The following ABCC11 variants were observed in gnomAD, a reference collection of about 807,000 sequenced individuals.
ABCC11 encodes ATP-binding cassette sub-family C member 11.
In ABCC11, 135 loss-of-function variants were observed where a neutral mutation model predicts 149.3. The observed-to-expected ratio is 0.90, with a 90% CI of 0.79 to 1.04. ABCC11 has a LOEUF of 1.04. Ranked by LOEUF, ABCC11 falls within the 50% of genes least tolerant of loss-of-function variation. The probability of loss-of-function intolerance (pLI) is 0.00; values close to 1 mark genes in which losing one functional copy is unlikely to be tolerated. For synonymous variants in ABCC11, 665 were observed against 671.4 expected, an observed-to-expected ratio of 0.99 and a Z score of 0.15; for missense variants, 1,680 against 1,722.1, an observed-to-expected ratio of 0.98 and a Z score of 0.43.
intron 10 of ABCC11, 79 bp downstream of exon 10, chr16:48,213,364 T>G: frequency 7.6e-7 from 1 of 1,316,520 alleles, no homozygotes. Context: ...AGGGGACGTG[T>G]TCTGGAGGAA....
At chr16:48,242,235 G>A (rs1273970249) in intron 1 of ABCC11, among the ~76,000 whole-genome samples, 1 of 152,164 alleles carries the variant, frequency 6.6e-6, no homozygotes, top group Non-Finnish European at 1.5e-5. Context: ...AGTGGGCAAA[G>A]GATATGAACA....
chr16:48,226,935 T>C (rs1970110885), intron 4 of ABCC11, among the ~76,000 whole-genome samples: 1 of 152,196 alleles, frequency 6.6e-6, no homozygotes, highest in African/African-American at 2.4e-5. Context: ...ACCTGGTATC[T>C]CTCATGAAGC....
In ABCC11 at chr16:48,187,091, C is replaced by T. The variant is rs778440563; in HGVS notation, c.2934-1G>A. The T allele has an allele frequency of 3.1e-6, 5 of 1,614,164 alleles. No homozygotes were observed. The Admixed American group carries it at 6.7e-5, about 22-fold the overall frequency. On this transcript the variant is annotated splice_acceptor_variant, in intron 21 of 29. Transcript: ENST00000356608. LOFTEE classifies it high-confidence loss of function. ...CACACCGATGGCCTTCTTGAACATCCTGCATGGACAGTGGAGGTAAGGGAC... is the reference window on the plus strand; with the variant it reads ...CACACCGATGGCCTTCTTGAACATCTTGCATGGACAGTGGAGGTAAGGGAC...
intron 24 of ABCC11, among the ~76,000 whole-genome samples, chr16:48,177,628 C>G (rs1322573509): frequency 6.6e-6 from 1 of 152,236 alleles, no homozygotes; most frequent in East Asian, 1.9e-4. Context: ...GGAACTCAAA[C>G]CCAGATCTGC....
At chr16:48,171,019 C>G in intron 26 of ABCC11, 52 bp from the exon 27 acceptor site, 1 of 1,461,250 alleles carries the variant, frequency 6.8e-7, no homozygotes. Flanking sequence ...AGGCTTTGAA[C>G]ACTCATTTAT....
chr16:48,213,413 G>T (rs776100488), intron 10 of ABCC11, 30 bp downstream of exon 10: 1 of 1,579,418 alleles, frequency 6.3e-7, no homozygotes, highest in African/African-American at 1.4e-5. Context: ...TCCAAGCAGG[G>T]GGCCTACAGC....
chr16:48,221,619 C>A (rs955453641), intron 6 of ABCC11, among the ~76,000 whole-genome samples: 1 of 152,230 alleles, frequency 6.6e-6, no homozygotes, highest in Non-Finnish European at 1.5e-5. Context: ...CTCAGGTTGG[C>A]TTAGGGGACG....
intron 9 of ABCC11, among the ~76,000 whole-genome samples, chr16:48,214,583 G>A (rs1362772010): frequency 6.6e-6 from 1 of 152,158 alleles, no homozygotes; most frequent in East Asian, 1.9e-4. Context: ...TTAGGGATTA[G>A]AGGAACTCCA....
chr16:48,213,026 T>C (rs1398075028), intron 10 of ABCC11, among the ~76,000 whole-genome samples: 1 of 152,222 alleles, frequency 6.6e-6, no homozygotes, highest in South Asian at 2.1e-4. Context: ...CTTGTGGCCA[T>C]GGTAGAATGT....
rs775080991 is a variant in ABCC11 at position 48,205,506 on chromosome 16, T to G, written c.1712A>C (p.Gln571Pro). Residue 571 changes from glutamine (Q) to proline (P), a missense_variant, in exon 13 of 30, where the codon CAG (glutamine) becomes CCG (proline). Coordinates refer to ENST00000356608, the MANE Select transcript of ABCC11 (RefSeq NM_001370497.1). ...MHLLEGSVGV[Q>P]GSLAYVPQQA... ...CTGGGGGACATAGGCCAGGCTTCCC[T>G]GCACCCCCACCGAGCCCTCGAGCAA... The G allele has an allele frequency of 6.2e-7, 1 of 1,614,038 alleles. No homozygotes were observed.
intron 1 of ABCC11, among the ~76,000 whole-genome samples, chr16:48,241,204 G>A (rs534498914): frequency 3.5e-4 from 53 of 152,234 alleles, no homozygotes; most frequent in East Asian, 7.7e-4. Flanking sequence ...CCAAAGTGCC[G>A]GGATTGCAGG....
chr16:48,173,527 C>T (rs926892482), intron 26 of ABCC11, among the ~76,000 whole-genome samples: 2 of 152,168 alleles, frequency 1.3e-5, no homozygotes, highest in East Asian at 1.9e-4. Context: ...TTCATATCAA[C>T]GCACAGGAGA....
chr16:48,167,068 G>A lies in ABCC11; in HGVS notation c.*206C>T, dbSNP rs1170543977. The A allele has an allele frequency of 3.4e-6, 2 of 580,918 alleles. No homozygotes were observed. Among genetic ancestry groups the A allele is most frequent in the Non-Finnish European group, 3.1e-6 (1 of 324,414 alleles). 36.0% of individuals were successfully genotyped at this position (580,918 alleles called of 1,614,324 possible). The stretch of plus-strand genomic sequence containing the variant: ...ATCACTGAATCCCATGTCTTAGATG[G>A]TTCTGGGGTTCTAAGGTCTTGAGAG... On this transcript the variant is annotated 3_prime_UTR_variant, in exon 30 of 30. Coordinates refer to ENST00000356608, the MANE Select transcript of ABCC11 (RefSeq NM_001370497.1).
intron 19 of ABCC11, among the ~76,000 whole-genome samples, chr16:48,193,492 C>T (rs147766798): frequency 2.6e-5 from 4 of 152,284 alleles, no homozygotes; most frequent in African/African-American, 9.6e-5. Flanking sequence ...AGTGAAATAA[C>T]TTGACACAGT....
At chr16:48,202,138 C>G (rs1432939197) in intron 14 of ABCC11, among the ~76,000 whole-genome samples, 1 of 152,154 alleles carries the variant, frequency 6.6e-6, no homozygotes, top group African/African-American at 2.4e-5. Flanking sequence ...TTACTCTAGG[C>G]CGGGCACTAG....
intron 28 of ABCC11, among the ~76,000 whole-genome samples, chr16:48,168,418 C>A (rs1191950388): frequency 6.6e-6 from 1 of 152,220 alleles, no homozygotes; most frequent in Non-Finnish European, 1.5e-5. Context: ...TTGGGCCCCA[C>A]TGAGCTCTTT....
chr16:48,184,397 T>C (rs746164384), intron 23 of ABCC11, 43 bp downstream of exon 23: 1 of 1,593,144 alleles, frequency 6.3e-7, no homozygotes, highest in African/African-American at 1.3e-5. Context: ...AGGCAGAGGA[T>C]GAGCAAAGCT....
intron 4 of ABCC11, among the ~76,000 whole-genome samples, chr16:48,225,169 C>T (rs113761362): frequency 0.13 from 19,841 of 150,248 alleles, 1,574 homozygotes; most frequent in African/African-American, 0.23. Context: ...GCCGAGATGG[C>T]GCCACTGCAC....
Position 48,178,678 on chromosome 16 carries a change from G to A in ABCC11, c.3267C>T (p.Ser1089=). The A allele has an allele frequency of 6.2e-7, 1 of 1,614,188 alleles. No homozygotes were observed. Among genetic ancestry groups the A allele is most frequent in the Non-Finnish European group, 8.5e-7 (1 of 1,180,028 alleles). ...CAATCCGGGCAGTGGCCTGGAAGCT[G>A]GACGCCAGCTAGAAGGAAGGAGAAG... is the stretch of plus-strand genomic sequence containing the variant. The part of the protein sequence containing the change: ...MAVNIVLQLA[S]SFQATARIGL... Residue 1089 remains serine, a synonymous_variant, in exon 24 of 30, where the codon TCC becomes TCT. Transcript: ENST00000356608.
Sources: gnomAD v4.1 joint callset for allele counts (sites outside exome capture counted in the v4.1 genomes callset) on GRCh38, gnomAD v4.1.1 for gene constraint, MANE v1.5 for transcripts, NCBI Gene and HGNC (gene_info 2026-07-23, HGNC 2026-07-21) for gene names.